Variants in ZNF782 observed in about 807,000 individuals in gnomAD.
ZNF782 encodes the protein zinc finger protein 782.
A neutral mutation model predicts 13.0 loss-of-function variants in ZNF782; 12 were observed. The observed-to-expected ratio is 0.92, with a 90% CI of 0.59 to 1.50. The LOEUF (loss-of-function observed/expected upper bound fraction) is 1.50. Among genes scored for constraint, ZNF782 ranks in the 40% most tolerant of loss-of-function variants. The pLI, the probability that ZNF782 is intolerant of heterozygous loss-of-function variation, is 0.00. For synonymous variants in ZNF782, 284 were observed against 283.0 expected, an observed-to-expected ratio of 1.00 and a Z score of -0.04; for missense variants, 770 against 822.9, an observed-to-expected ratio of 0.94 and a Z score of 0.79.
Position 96,818,477 on chromosome 9 carries a change from T to C in ZNF782, c.1546A>G (p.Lys516Glu). ...TGTTTCCTCAGGCCTGACTTCAGTT[T>C]GAAAGCTTTCCCACATTCATCACAT... The part of the protein sequence containing the change: ...YKCDECGKAF[K>E]LKSGLRKHHR... The change falls in exon 6 of 6, where the codon AAA becomes GAA. Residue 516 changes from lysine (K) to glutamate (E), a missense_variant. Coordinates refer to ENST00000481138, the MANE Select transcript of ZNF782 (RefSeq NM_001001662.3). 5.0e-6 allele frequency: 8 copies of C among 1,614,006 alleles called. No homozygotes were observed. Among genetic ancestry groups the C allele is most frequent in the Non-Finnish European group, 6.8e-6 (8 of 1,179,992 alleles).
intron 3 of ZNF782, among the ~76,000 whole-genome samples, chr9:96,849,397 C>T (rs1050627421): frequency 1.3e-5 from 2 of 152,214 alleles, no homozygotes; most frequent in South Asian, 2.1e-4. Context: ...TAACAGACCA[C>T]GTGGCCCTGT....
intron 4 of ZNF782, among the ~76,000 whole-genome samples, chr9:96,833,181 T>C (rs1256690937): frequency 1.3e-5 from 2 of 152,214 alleles, no homozygotes; most frequent in Middle Eastern, 3.2e-3. Context: ...TAGCAACCAA[T>C]TTCCCTCGCT....
the ZNF782 span, among the ~76,000 whole-genome samples, chr9:96,906,606 A>G: frequency 6.6e-6 from 1 of 152,186 alleles, no homozygotes; most frequent in African/African-American, 2.4e-5. Flanking sequence ...TGATGAAAAG[A>G]TGCCTAGGGT....
At chr9:96,844,421 C>T (rs763830610) in intron 4 of ZNF782, among the ~76,000 whole-genome samples, 70 of 152,260 alleles carry the variant, frequency 4.6e-4, no homozygotes, top group Middle Eastern at 3.4e-3. Context: ...AAATAATTAA[C>T]CACTTATACA....
chr9:96,827,511 T>C (rs1850665317), intron 4 of ZNF782, among the ~76,000 whole-genome samples: 2 of 152,116 alleles, frequency 1.3e-5, no homozygotes, highest in Admixed American at 6.6e-5. Flanking sequence ...TTAAAGTTTT[T>C]TTGTAAAGAT....
At chr9:96,853,324 C>G (rs1020084440) in intron 1 of ZNF782, among the ~76,000 whole-genome samples, 4 of 152,120 alleles carry the variant, frequency 2.6e-5, no homozygotes, top group Non-Finnish European at 5.9e-5. Flanking sequence ...TGCTTCTGAC[C>G]ATACACATCT....
intron 5 of ZNF782, among the ~76,000 whole-genome samples, chr9:96,822,226 A>G (rs1283238162): frequency 6.6e-6 from 1 of 152,228 alleles, no homozygotes; most frequent in Non-Finnish European, 1.5e-5. Context: ...TTTTTGAATG[A>G]ATCAATATGA....
chr9:96,883,624 T>C, the ZNF782 span, among the ~76,000 whole-genome samples: 26 of 152,330 alleles, frequency 1.7e-4, no homozygotes, highest in East Asian at 3.3e-3. Context: ...TCTGTGAAGT[T>C]TGAAAGGCTT....
At position 96,818,100 on chromosome 9, in the gene ZNF782, G is replaced by A. The variant is rs150737825; in HGVS notation, c.1923C>T (p.Thr641=). The A allele has an allele frequency of 2.0e-5, 32 of 1,603,070 alleles. No individual in the cohort carries two copies. The highest frequency in any genetic ancestry group is 1.1e-4 in the East Asian group (5 of 44,110). ...SVLRKHQRTH[T]GEKPYNCNQC... ...GATTACAATTATATGGTTTCTCCCCGGTGTGAGTTCGCTGATGTTTTCTTA... is the reference window on the plus strand; with the variant it reads ...GATTACAATTATATGGTTTCTCCCCAGTGTGAGTTCGCTGATGTTTTCTTA... Residue 641 remains threonine (T), a synonymous_variant, in exon 6 of 6, where the codon ACC becomes ACT. Coordinates refer to ENST00000481138, the MANE Select transcript of ZNF782 (RefSeq NM_001001662.3).
intron 3 of ZNF782, among the ~76,000 whole-genome samples, chr9:96,845,300 T>A (rs992608615): frequency 3.9e-5 from 6 of 152,314 alleles, no homozygotes; most frequent in Middle Eastern, 3.4e-3. Flanking sequence ...ATAAATAGGA[T>A]TCCTGCATAC....
intron 1 of ZNF782, among the ~76,000 whole-genome samples, chr9:96,871,860 G>C (rs1023101573): frequency 6.6e-6 from 1 of 152,118 alleles, no homozygotes; most frequent in Non-Finnish European, 1.5e-5. Flanking sequence ...TTTATAAAGT[G>C]CCCTTTTCTC....
At chr9:96,841,550 G>A (rs1261718502) in intron 4 of ZNF782, among the ~76,000 whole-genome samples, 1 of 151,884 alleles carries the variant, frequency 6.6e-6, no homozygotes, top group Admixed American at 6.6e-5. Context: ...TTTATTCCAA[G>A]TATATAAGGC....
At position 96,818,692 on chromosome 9, in the gene ZNF782, T is replaced by G; in HGVS notation, c.1331A>C (p.His444Pro). 1 of 1,614,222 alleles carries G rather than the reference T, an allele frequency of 6.2e-7. No individual in the cohort carries two copies. Among genetic ancestry groups the G allele is most frequent in the South Asian group, 1.1e-5 (1 of 91,084 alleles). ...KSGLRIHQRT[H>P]TGEKPFECHE... ...ACATTCGAATGGTTTCTCCCCTGTG[T>G]GGGTTCTCTGGTGTATTCTTAGGCC... Residue 444 changes from histidine (H) to proline (P), a missense_variant, in exon 6 of 6, where the codon CAC (histidine) becomes CCC (proline). By Grantham distance (77) the His-to-Pro change is moderately conservative. Coordinates refer to ENST00000481138, the MANE Select transcript of ZNF782 (RefSeq NM_001001662.3).
rs544458232 is a variant in ZNF782, at chr9:96,817,026, C to T, written c.*897G>A. 35 of 152,336 alleles carry T rather than the reference C, an allele frequency of 2.3e-4. No individual in the cohort carries two copies. The highest frequency in any genetic ancestry group is 8.2e-4 in the African/African-American group (34 of 41,568). The allele number at this position is 152,336 out of a possible 1,614,324, so 9.4% of individuals were successfully genotyped here. ...AGGGAACACATTTATTTCCTCACTG[C>T]AAGAAGTCCAACTGTGTACAGGGAG... On this transcript the variant is annotated 3_prime_UTR_variant, in exon 6 of 6. Transcript: ENST00000481138.
At chr9:96,870,210 C>CT (rs1323021825) in intron 1 of ZNF782, among the ~76,000 whole-genome samples, 2 of 152,166 alleles carry the variant, frequency 1.3e-5, no homozygotes, top group African/African-American at 4.8e-5. Flanking sequence ...GGTTGGAATC[C>CT]TTTTTGAAAT....
At chr9:96,866,125 A>G (rs1437049354) in intron 1 of ZNF782, among the ~76,000 whole-genome samples, 2 of 152,236 alleles carry the variant, frequency 1.3e-5, no homozygotes, top group Admixed American at 1.3e-4. Context: ...TGCATAAGTA[A>G]TGAGGAGCCA....
the ZNF782 span, among the ~76,000 whole-genome samples, chr9:96,914,457 A>G: frequency 1.3e-5 from 2 of 151,900 alleles, no homozygotes; most frequent in African/African-American, 2.4e-5. Flanking sequence ...CACATAATTT[A>G]TGCTCTACTG....
chr9:96,873,314 A>G (rs1480590335), intron 1 of ZNF782, among the ~76,000 whole-genome samples: 1 of 152,232 alleles, frequency 6.6e-6, no homozygotes, highest in East Asian at 1.9e-4. Flanking sequence ...GTAATATGCA[A>G]TAACTAAGTA....
upstream of ZNF782, among the ~76,000 whole-genome samples, chr9:96,856,813 A>G (rs1851648490): frequency 6.6e-6 from 1 of 152,220 alleles, no homozygotes; most frequent in East Asian, 1.9e-4. Flanking sequence ...AGAATTGTCT[A>G]AGTTGCAGAT....
Sources: allele counts gnomAD v4.1 joint callset (sites outside exome capture counted in the v4.1 genomes callset), GRCh38; gene constraint gnomAD v4.1.1; transcripts MANE v1.5; gene names NCBI Gene and HGNC (gene_info 2026-07-23, HGNC 2026-07-21).